RBFOX3: variants seen among roughly 807,000 people sequenced by gnomAD.
RBFOX3 encodes RNA binding protein fox-1 homolog 3.
RBFOX3 carries 17 observed loss-of-function variants against 48.7 expected under a neutral mutation model. The ratio of observed to expected loss-of-function variants is 0.35; its 90% CI spans 0.24 to 0.52. RBFOX3 has a LOEUF of 0.52. Among genes scored for constraint, RBFOX3 ranks in the 20% least tolerant of loss-of-function variants. The probability of loss-of-function intolerance (pLI) is 0.94; values close to 1 mark genes in which losing one functional copy is unlikely to be tolerated. For missense variants in RBFOX3, 382 were observed against 497.5 expected (o/e 0.77, Z 2.21); for synonymous variants, 212 against 209.5 (o/e 1.01, Z -0.10).
intron 13 of RBFOX3, among the ~76,000 whole-genome samples, chr17:79,095,084 C>T (rs940912323): frequency 1.3e-5 from 2 of 151,964 alleles, no homozygotes; most frequent in African/African-American, 4.8e-5. Context: ...CCGGGGCTGC[C>T]AGGAGGGAGG....
At chr17:79,152,976 C>T (rs1420540889) in intron 4 of RBFOX3, among the ~76,000 whole-genome samples, 2 of 152,322 alleles carry the variant, frequency 1.3e-5, no homozygotes, top group East Asian at 1.9e-4. Context: ...GAGGTGGCTG[C>T]GGTCGGGTGG....
intron 4 of RBFOX3, among the ~76,000 whole-genome samples, chr17:79,183,913 C>T (rs532421883): frequency 6.6e-6 from 1 of 152,354 alleles, no homozygotes; most frequent in East Asian, 1.9e-4. Flanking sequence ...CCCCTCCTCC[C>T]CCCCGTTGCC....
At chr17:79,659,525 T>G in the RBFOX3 span, among the ~76,000 whole-genome samples, 1 of 149,782 alleles carries the variant, frequency 6.7e-6, no homozygotes, top group Non-Finnish European at 1.5e-5. Flanking sequence ...GGAGCGAGAG[T>G]GGGAAGAAGG....
At chr17:79,497,130 C>A (rs2081650881) in intron 1 of RBFOX3, among the ~76,000 whole-genome samples, 1 of 152,154 alleles carries the variant, frequency 6.6e-6, no homozygotes, top group African/African-American at 2.4e-5. Context: ...CAGCCCCCAC[C>A]CAGGTGCACT....
At chr17:79,414,966 C>T (rs1359201905) in intron 2 of RBFOX3, among the ~76,000 whole-genome samples, 1 of 152,212 alleles carries the variant, frequency 6.6e-6, no homozygotes, top group Non-Finnish European at 1.5e-5. Context: ...TCCTGAGCCT[C>T]TGAGGTCCCC....
chr17:79,376,156 T>C (rs960657251), intron 2 of RBFOX3, among the ~76,000 whole-genome samples: 1 of 152,120 alleles, frequency 6.6e-6, no homozygotes, highest in Non-Finnish European at 1.5e-5. Flanking sequence ...CACCCCCTCC[T>C]TCCTTTCTCC....
the RBFOX3 span, among the ~76,000 whole-genome samples, chr17:79,620,502 CACATGCGCAT>C: frequency 2.0e-5 from 3 of 148,864 alleles, no homozygotes; most frequent in Non-Finnish European, 4.4e-5. Flanking sequence ...CACGCGCACA[CACATGCGCAT>C]ACGTGCACAT....
At chr17:79,661,249 C>T in the RBFOX3 span, among the ~76,000 whole-genome samples, 2 of 152,210 alleles carry the variant, frequency 1.3e-5, no homozygotes, top group East Asian at 3.9e-4. Context: ...CAAACCTACA[C>T]ATCCTGCACA....
In RBFOX3 at chr17:79,391,940, T is replaced by C. The variant is rs2061422245; in HGVS notation, c.-174-84116A>G. Among the ~76,000 whole-genome samples, 1 of 152,004 alleles carries C rather than the reference T, an allele frequency of 6.6e-6. No homozygotes were observed. The highest frequency in any genetic ancestry group is 2.1e-4 in the South Asian group (1 of 4,822). On this transcript the variant is annotated intron_variant, in intron 2 of 14. Transcript: ENST00000693108. This position sits in a 1 kb window ranked among gnomAD's most constrained non-coding sequence, Gnocchi z 5.0. Reference sequence around the variant, plus strand: ...TGAAGCTCACAGGTCGCGGGTTTGCTGAGAAGGCACGTGCTCCCCCTGGTG... The same window carrying C: ...TGAAGCTCACAGGTCGCGGGTTTGCCGAGAAGGCACGTGCTCCCCCTGGTG...
the RBFOX3 span, among the ~76,000 whole-genome samples, chr17:79,625,168 C>T: frequency 3.3e-5 from 5 of 152,176 alleles, no homozygotes; most frequent in African/African-American, 1.2e-4. Flanking sequence ...CTCCCTCTCC[C>T]TGTATTCCCC....
intron 1 of RBFOX3, among the ~76,000 whole-genome samples, chr17:79,589,169 G>A (rs1003498803): frequency 6.6e-6 from 1 of 152,226 alleles, no homozygotes; most frequent in Non-Finnish European, 1.5e-5. Context: ...CATAACACAG[G>A]ACTGCACACT....
intron 1 of RBFOX3, among the ~76,000 whole-genome samples, chr17:79,531,024 C>T (rs2087679816): frequency 1.3e-5 from 2 of 152,228 alleles, no homozygotes; most frequent in Admixed American, 6.5e-5. Context: ...TGGCCCTCTA[C>T]CCTAAGGTCG....
intron 1 of RBFOX3, among the ~76,000 whole-genome samples, chr17:79,500,036 G>T (rs894144312): frequency 6.6e-6 from 1 of 152,162 alleles, no homozygotes; most frequent in Non-Finnish European, 1.5e-5. Context: ...AAGCCTAGGC[G>T]AGAAGAAGCC....
chr17:79,110,706 G>A (rs2030945314), intron 5 of RBFOX3, among the ~76,000 whole-genome samples: 1 of 152,186 alleles, frequency 6.6e-6, no homozygotes, highest in Non-Finnish European at 1.5e-5. Flanking sequence ...AGAGCCTGGT[G>A]GCACTGGTGG....
chr17:79,325,011 C>A lies in RBFOX3; in HGVS notation c.-174-17187G>T, dbSNP rs186726997. Among the ~76,000 whole-genome samples the A allele has an allele frequency of 6.3e-4, 96 of 152,350 alleles. No homozygotes were observed. The Middle Eastern group carries it at 0.014, about 22-fold the overall frequency. On this transcript the variant is annotated intron_variant, in intron 2 of 14. Transcript: ENST00000693108. Reference sequence around the variant, plus strand: ...GTCTAGGAACTGCAGAAGTTTAGCGCACTCAGCGTTGGGCATACCCAGCCT... The same window carrying A: ...GTCTAGGAACTGCAGAAGTTTAGCGAACTCAGCGTTGGGCATACCCAGCCT...
intron 4 of RBFOX3, among the ~76,000 whole-genome samples, chr17:79,213,264 C>T (rs914434915): frequency 1.3e-5 from 2 of 152,182 alleles, no homozygotes; most frequent in African/African-American, 2.4e-5. Context: ...GGTGTTGGAG[C>T]AGGTGGCTCC....
chr17:79,229,470 A>G (rs2060740335), intron 4 of RBFOX3, among the ~76,000 whole-genome samples: 1 of 149,402 alleles, frequency 6.7e-6, no homozygotes, highest in African/African-American at 2.5e-5. Flanking sequence ...GAAGCAGGAT[A>G]ATTGCTTGAA....
chr17:79,240,988 T>TA (rs977819747), intron 3 of RBFOX3, among the ~76,000 whole-genome samples: 1 of 151,316 alleles, frequency 6.6e-6, no homozygotes, highest in Non-Finnish European at 1.5e-5. Flanking sequence ...AAAAAAAAAT[T>TA]TTTTTTGAGC....
At chr17:79,569,227 T>A (rs1343138765) in intron 1 of RBFOX3, among the ~76,000 whole-genome samples, 4 of 152,114 alleles carry the variant, frequency 2.6e-5, no homozygotes, top group African/African-American at 9.7e-5. Context: ...TCCATTCCTA[T>A]TAAACAATAG....
Sources: gnomAD v4.1 joint callset for allele counts (sites outside exome capture counted in the v4.1 genomes callset) on GRCh38, gnomAD v4.1.1 for gene constraint, Gnocchi (gnomAD v3.1) non-coding constraint, MANE v1.5 for transcripts, NCBI Gene and HGNC (gene_info 2026-07-23, HGNC 2026-07-21) for gene names.